PROKR1: variants seen among roughly 807,000 people sequenced by gnomAD.
PROKR1 encodes G protein-coupled receptor 73.
PROKR1 carries 21 observed loss-of-function variants against 22.8 expected under a neutral mutation model. That is an observed-to-expected ratio of 0.92 (90% CI 0.65 to 1.32). The LOEUF is 1.32. Ranked by LOEUF, PROKR1 falls within the 40% of genes most tolerant of loss-of-function variation. PROKR1 has a pLI of 0.00. For missense variants in PROKR1, 548 were observed against 514.2 expected (o/e 1.07, Z -0.64); for synonymous variants, 193 against 207.5 (o/e 0.93, Z 0.60).
chr2:68,651,344 G>T (rs1391050291), intron 2 of PROKR1, among the ~76,000 whole-genome samples: 2 of 152,132 alleles, frequency 1.3e-5, no homozygotes, highest in East Asian at 3.9e-4. Context: ...GCCAGCCTCG[G>T]TGACAGAGCA....
rs1374553074 is a variant in PROKR1 at position 68,657,942 on chromosome 2, A to G, written c.*2366A>G. The G allele has an allele frequency of 2.6e-5, 4 of 152,236 alleles. No individual in the cohort carries two copies. The highest frequency in any genetic ancestry group is 4.4e-5 in the Non-Finnish European group (3 of 68,040). The allele number at this position is 152,236 out of a possible 1,614,324, so 9.4% of individuals were successfully genotyped here. On this transcript the variant is annotated 3_prime_UTR_variant, in exon 3 of 3. Transcript: ENST00000303786. ...TTGGAGGGCCATTTTTATTTTTTAT[A>G]TAAGATCATATATTGCATTCTAAAA...
intron 2 of PROKR1, 135 bp from the exon 3 acceptor site, chr2:68,654,745 C>A: frequency 2.4e-6 from 2 of 822,900 alleles, no homozygotes; most frequent in African/African-American, 1.7e-5. Flanking sequence ...CTGCAGTGAG[C>A]TATGATCATG....
Position 68,655,950 on chromosome 2 carries a change from T to C in PROKR1, c.*374T>C, listed in dbSNP as rs544973719. 15 of 337,450 alleles carry C rather than the reference T, an allele frequency of 4.4e-5. No individual in the cohort carries two copies. The highest frequency in any genetic ancestry group is 8.5e-5 in the Non-Finnish European group (15 of 175,960). The allele number at this position is 337,450 out of a possible 1,614,324, so 20.9% of individuals were successfully genotyped here. A position where few individuals can be genotyped will look rare whatever the true frequency, so the allele number is the denominator to read the frequency against. Reference sequence around the variant, plus strand: ...TCTAGGATTGCAGTACATGTGTTCGTAGTGTGAGAGTATCTCTGGGACTAT... The same window carrying C: ...TCTAGGATTGCAGTACATGTGTTCGCAGTGTGAGAGTATCTCTGGGACTAT... On this transcript the variant is annotated 3_prime_UTR_variant, in exon 3 of 3. Transcript: ENST00000303786.
intron 1 of PROKR1, among the ~76,000 whole-genome samples, chr2:68,645,159 G>A (rs1393965788): frequency 1.3e-5 from 2 of 152,170 alleles, no homozygotes; most frequent in Admixed American, 6.5e-5. Flanking sequence ...CTCTGTCTGG[G>A]GACAGGCCTT....
chr2:68,645,618 G>A, intron 1 of PROKR1, 44 bp from the exon 2 acceptor site: 1 of 726,244 alleles, frequency 1.4e-6, no homozygotes, highest in African/African-American at 1.8e-5. Context: ...AATTTGGCCA[G>A]CTTTACTGCA....
In PROKR1 at chr2:68,655,819, A is replaced by C; in HGVS notation, c.*243A>C. 1 of 546,284 alleles carries C rather than the reference A, an allele frequency of 1.8e-6. No homozygotes were observed. Among genetic ancestry groups the C allele is most frequent in the Non-Finnish European group, 3.3e-6 (1 of 303,118 alleles). 33.8% of individuals were successfully genotyped at this position (546,284 alleles called of 1,614,324 possible). A position where few individuals can be genotyped will look rare whatever the true frequency, so the allele number is the denominator to read the frequency against. The stretch of plus-strand genomic sequence containing the variant: ...CAGTAGGTACTGGTAAAACCTATAT[A>C]TGTTGATGACATTTAGTTGGCAAAA... On this transcript the variant is annotated 3_prime_UTR_variant, in exon 3 of 3. Transcript: ENST00000303786.
At chr2:68,644,138 A>G (rs1472236740) in intron 1 of PROKR1, among the ~76,000 whole-genome samples, 1 of 152,120 alleles carries the variant, frequency 6.6e-6, no homozygotes, top group African/African-American at 2.4e-5. Context: ...TCCCCTCTGA[A>G]CGGTGAGAAT....
chr2:68,654,775 C>T, intron 2 of PROKR1, 105 bp from the exon 3 acceptor site: 1 of 1,136,142 alleles, frequency 8.8e-7, no homozygotes, highest in Non-Finnish European at 1.3e-6. Flanking sequence ...TCACTGCACT[C>T]CAGCCTGGGT....
At chr2:68,648,652 G>A (rs76803699) in intron 2 of PROKR1, among the ~76,000 whole-genome samples, 3,701 of 152,224 alleles carry the variant, frequency 0.024, 53 homozygotes, top group South Asian at 0.046. Context: ...TCTAATTGTG[G>A]TCTAGGAATC....
chr2:68,647,165 A>G (rs1317313007), intron 2 of PROKR1, among the ~76,000 whole-genome samples: 1 of 152,240 alleles, frequency 6.6e-6, no homozygotes, highest in Non-Finnish European at 1.5e-5. Context: ...CTTTTAGTCC[A>G]TTTGCACAGA....
intron 2 of PROKR1, among the ~76,000 whole-genome samples, chr2:68,652,290 A>G (rs1427741555): frequency 2.0e-5 from 3 of 152,200 alleles, no homozygotes; most frequent in Non-Finnish European, 4.4e-5. Flanking sequence ...TGCTCTGTAA[A>G]TTGTAAACTT....
At chr2:68,652,352 C>T (rs957103868) in intron 2 of PROKR1, among the ~76,000 whole-genome samples, 3 of 152,204 alleles carry the variant, frequency 2.0e-5, no homozygotes, top group African/African-American at 7.2e-5. Flanking sequence ...TTCTGGAGTT[C>T]TGGTCCTAGC....
rs771163351 is a variant in PROKR1 at position 68,646,267 on chromosome 2, A to G, written c.446A>G (p.Tyr149Cys). ...AACTACCTGCGCACTGTCTCTCTCT[A>G]TGTCTCCACCAATGCCCTGCTGGCC... ...SVNYLRTVSL[Y>C]VSTNALLAIA... The change falls in exon 2 of 3, where the codon TAT becomes TGT. Residue 149 changes from tyrosine to cysteine, a missense_variant. Physicochemically the swap from Tyr to Cys is radical, Grantham distance 194. Transcript: ENST00000303786. 4.3e-6 allele frequency: 7 copies of G among 1,614,088 alleles called. No homozygotes were observed. The highest frequency in any genetic ancestry group is 3.3e-5 in the Admixed American group (2 of 60,008).
At chr2:68,650,591 C>T (rs1308855992) in intron 2 of PROKR1, among the ~76,000 whole-genome samples, 1 of 151,876 alleles carries the variant, frequency 6.6e-6, no homozygotes, top group Non-Finnish European at 1.5e-5. Flanking sequence ...GAAGTTGCAC[C>T]AAAATCCTGT....
rs192998929 is a variant in PROKR1 at position 68,657,920 on chromosome 2, G to C, written c.*2344G>C. 6.6e-6 allele frequency: 1 copy of C among 152,254 alleles called. No homozygotes were observed. Among genetic ancestry groups the C allele is most frequent in the East Asian group, 1.9e-4 (1 of 5,192 alleles). The allele number at this position is 152,254 out of a possible 1,614,324, so 9.4% of individuals were successfully genotyped here. ...ATTAGCCTAAATCAAAAATGCATTG[G>C]AGGGCCATTTTTATTTTTTATATAA... is the stretch of plus-strand genomic sequence containing the variant. On this transcript the variant is annotated 3_prime_UTR_variant, in exon 3 of 3. Coordinates refer to ENST00000303786, the MANE Select transcript of PROKR1 (RefSeq NM_138964.4).
intron 2 of PROKR1, among the ~76,000 whole-genome samples, chr2:68,652,203 T>A (rs534127990): frequency 2.0e-5 from 3 of 152,338 alleles, no homozygotes; most frequent in Non-Finnish European, 4.4e-5. Context: ...AGTTTTCTCA[T>A]CTATAGAGTG....
chr2:68,657,854 A>G lies in PROKR1; in HGVS notation c.*2278A>G, dbSNP rs1377030578. On this transcript the variant is annotated 3_prime_UTR_variant, in exon 3 of 3. Coordinates refer to ENST00000303786, the MANE Select transcript of PROKR1 (RefSeq NM_138964.4). Reference sequence around the variant, plus strand: ...TATCACCCAGTAGACTTACCCTACAATTTAATCAGAATGCTCTTGGAGAGT... The same window carrying G: ...TATCACCCAGTAGACTTACCCTACAGTTTAATCAGAATGCTCTTGGAGAGT... 2 of 152,232 alleles carry G rather than the reference A, an allele frequency of 1.3e-5. No homozygotes were observed. The highest frequency in any genetic ancestry group is 4.8e-5 in the African/African-American group (2 of 41,448). 9.4% of individuals were successfully genotyped at this position (152,232 alleles called of 1,614,324 possible).
chr2:68,644,440 C>T (rs759621443), intron 1 of PROKR1, among the ~76,000 whole-genome samples: 5 of 151,924 alleles, frequency 3.3e-5, no homozygotes, highest in Non-Finnish European at 7.4e-5. Flanking sequence ...ATTGAGAGCT[C>T]GGAGGAAGGA....
intron 2 of PROKR1, among the ~76,000 whole-genome samples, 177 bp downstream of exon 2, chr2:68,646,483 T>G (rs181106734): frequency 3.8e-4 from 58 of 152,342 alleles, no homozygotes; most frequent in African/African-American, 1.4e-3. Flanking sequence ...AGTTCTCCTT[T>G]TCCAGCTTTG....
Sources: allele counts gnomAD v4.1 joint callset (sites outside exome capture counted in the v4.1 genomes callset), GRCh38; gene constraint gnomAD v4.1.1; transcripts MANE v1.5; gene names NCBI Gene and HGNC (gene_info 2026-07-23, HGNC 2026-07-21).